The following TASP1 variants were observed in gnomAD, a reference collection of about 807,000 sequenced individuals.
TASP1 encodes taspase 1, also known as threonine aspartase 1.
A neutral mutation model predicts 56.6 loss-of-function variants in TASP1; 16 were observed. The ratio of observed to expected loss-of-function variants is 0.28; its 90% CI spans 0.19 to 0.43. The LOEUF is 0.43. Among genes scored for constraint, TASP1 ranks in the 20% least tolerant of loss-of-function variants. TASP1 has a pLI of 1.00. For synonymous variants in TASP1, 179 were observed against 184.2 expected (o/e 0.97, Z 0.23); for missense variants, 393 against 511.6 (o/e 0.77, Z 2.24).
At chr20:13,138,458 A>C in the TASP1 span, among the ~76,000 whole-genome samples, 1,116 of 151,942 alleles carry the variant, frequency 7.3e-3, 15 homozygotes, top group African/African-American at 0.025. Flanking sequence ...TGCGGTTTTT[A>C]CTTCTATTAT....
intron 10 of TASP1, among the ~76,000 whole-genome samples, chr20:13,484,897 G>A (rs2043269503): frequency 6.6e-6 from 1 of 152,056 alleles, no homozygotes; most frequent in African/African-American, 2.4e-5. Context: ...ACTAAGCACT[G>A]CATGTTCTCA....
intron 10 of TASP1, among the ~76,000 whole-genome samples, chr20:13,490,574 T>G (rs1273418978): frequency 4.6e-5 from 7 of 152,214 alleles, no homozygotes; most frequent in Non-Finnish European, 1.0e-4. Context: ...AGGAGAAATC[T>G]GATATTTCTG....
chr20:13,343,074 G>A, the TASP1 span, among the ~76,000 whole-genome samples: 21 of 152,290 alleles, frequency 1.4e-4, no homozygotes, highest in Admixed American at 1.2e-3. Flanking sequence ...CTCCGAGAAG[G>A]GTCCTGGCAA....
chr20:13,527,016 A>G (rs1454715624), intron 10 of TASP1, among the ~76,000 whole-genome samples: 1 of 152,176 alleles, frequency 6.6e-6, no homozygotes, highest in Non-Finnish European at 1.5e-5. Flanking sequence ...ATGGAAGCCA[A>G]TCCCAAGAGA....
At chr20:13,387,318 C>T (rs2041171434), downstream of TASP1, among the ~76,000 whole-genome samples, 1 of 151,022 alleles carries the variant, frequency 6.6e-6, no homozygotes, top group Admixed American at 6.6e-5. Flanking sequence ...CTCAGCCTCC[C>T]AATTAGTTGG....
At chr20:13,176,971 G>A in the TASP1 span, among the ~76,000 whole-genome samples, 1 of 152,172 alleles carries the variant, frequency 6.6e-6, no homozygotes, top group African/African-American at 2.4e-5. Flanking sequence ...TGGGCACGAT[G>A]GCTCATGCCT....
chr20:13,475,563 C>T (rs1318548297), intron 11 of TASP1, among the ~76,000 whole-genome samples: 2 of 152,064 alleles, frequency 1.3e-5, no homozygotes, highest in Admixed American at 6.6e-5. Context: ...ATTTAAAACA[C>T]ACATTTCATA....
At chr20:13,414,631 C>T (rs2042194705) in intron 13 of TASP1, among the ~76,000 whole-genome samples, 1 of 152,148 alleles carries the variant, frequency 6.6e-6, no homozygotes, top group Non-Finnish European at 1.5e-5. Flanking sequence ...GTAGTCCATG[C>T]ACACTGGGTG....
the TASP1 span, among the ~76,000 whole-genome samples, chr20:13,361,151 C>CT: frequency 3.9e-5 from 6 of 152,104 alleles, no homozygotes; most frequent in Admixed American, 6.5e-5. Context: ...GAGGATTTGC[C>CT]CCACCCAGGA....
chr20:13,523,265 G>C (rs1263296628), intron 10 of TASP1, among the ~76,000 whole-genome samples: 1 of 152,154 alleles, frequency 6.6e-6, no homozygotes, highest in East Asian at 1.9e-4. Context: ...GAGTGCCTGT[G>C]ACACACAGAG....
chr20:13,148,634 C>T, the TASP1 span, among the ~76,000 whole-genome samples: 1 of 152,210 alleles, frequency 6.6e-6, no homozygotes, highest in Non-Finnish European at 1.5e-5. Flanking sequence ...AGGCTGCAAT[C>T]AGATACCCAG....
the TASP1 span, chr20:13,167,767 A>G: frequency 6.6e-6 from 1 of 152,176 alleles, no homozygotes; most frequent in East Asian, 1.9e-4. Context: ...CCATACCCCT[A>G]GGCCCTACAC....
intron 5 of TASP1, among the ~76,000 whole-genome samples, chr20:13,585,006 G>C (rs896568522): frequency 1.3e-5 from 2 of 151,878 alleles, no homozygotes; most frequent in African/African-American, 2.4e-5. Context: ...TCAAAGAATG[G>C]GGGAAAAAAA....
chr20:13,444,956 A>C lies in TASP1; in HGVS notation c.986-9802T>G, dbSNP rs191581157. On this transcript the variant is annotated intron_variant, in intron 11 of 13. Coordinates refer to ENST00000337743, the MANE Select transcript of TASP1 (RefSeq NM_017714.3). ...CACTGTGTGCCATTTTCTGGTGATAAGCATAATATTAAGGTCTCCAAATTA... is the reference window on the plus strand; with the variant it reads ...CACTGTGTGCCATTTTCTGGTGATACGCATAATATTAAGGTCTCCAAATTA... Among the ~76,000 whole-genome samples, 5 of 152,306 alleles carry C rather than the reference A, an allele frequency of 3.3e-5. No individual in the cohort carries two copies. In the East Asian group the frequency reaches 9.6e-4, roughly 29 times the overall value.
At chr20:13,357,174 G>A in the TASP1 span, among the ~76,000 whole-genome samples, 1 of 147,230 alleles carries the variant, frequency 6.8e-6, no homozygotes, top group Non-Finnish European at 1.5e-5. Context: ...AAGAGTATGG[G>A]ATGGCAGAAA....
At chr20:13,592,789 T>C (rs186948450) in intron 4 of TASP1, among the ~76,000 whole-genome samples, 16 of 152,280 alleles carry the variant, frequency 1.1e-4, no homozygotes, top group African/African-American at 3.9e-4. Context: ...TTTCTTAAAA[T>C]GATAGGTTAA....
chr20:13,395,303 G>C (rs767043623), intron 13 of TASP1, among the ~76,000 whole-genome samples: 5 of 152,188 alleles, frequency 3.3e-5, no homozygotes, highest in Non-Finnish European at 4.4e-5. Flanking sequence ...TTCCTTCCTG[G>C]AAAGCAGGAC....
the TASP1 span, among the ~76,000 whole-genome samples, chr20:13,330,906 G>C: frequency 6.6e-6 from 1 of 151,906 alleles, no homozygotes; most frequent in African/African-American, 2.4e-5. Context: ...TTCTTTATCA[G>C]TCTTGCTAGA....
chr20:13,600,836 C>T (rs560682008), intron 4 of TASP1, among the ~76,000 whole-genome samples: 4 of 152,218 alleles, frequency 2.6e-5, no homozygotes, highest in African/African-American at 9.6e-5. Flanking sequence ...TATATCCTTG[C>T]TCTGTCAGCT....
Sources: gnomAD v4.1 joint callset for allele counts (sites outside exome capture counted in the v4.1 genomes callset) on GRCh38, gnomAD v4.1.1 for gene constraint, MANE v1.5 for transcripts, NCBI Gene and HGNC (gene_info 2026-07-23, HGNC 2026-07-21) for gene names.